The following C3 variants were observed in gnomAD, a reference collection of about 807,000 sequenced individuals.
C3 encodes the protein complement C3.
A neutral mutation model predicts 207.9 loss-of-function variants in C3; 97 were observed. The ratio of observed to expected loss-of-function variants is 0.47; its 90% CI spans 0.40 to 0.55. C3 has a LOEUF of 0.55. C3 is among the 20% of genes least tolerant of loss of function. C3 has a pLI of 0.00. For missense variants in C3, 1,684 were observed against 2,171.7 expected (o/e 0.78, Z 4.46); for synonymous variants, 848 against 857.6 (o/e 0.99, Z 0.20).
Position 6,685,146 on chromosome 19 carries a change from C to T in C3, c.3811G>A (p.Ala1271Thr), listed in dbSNP as rs757158061. 8.7e-6 allele frequency: 14 copies of T among 1,613,386 alleles called. No individual in the cohort carries two copies. Among genetic ancestry groups the T allele is most frequent in the South Asian group, 6.6e-5 (6 of 91,006 alleles). The change falls in exon 30 of 41, where the codon GCC becomes ACC. Residue 1271 changes from alanine to threonine, a missense_variant and splice_region_variant. Ala to Thr is a moderately conservative substitution (Grantham distance 58). Coordinates refer to ENST00000245907, the MANE Select transcript of C3 (RefSeq NM_000064.4). The stretch of plus-strand genomic sequence containing the variant: ...AAGGCTTGGAACACCATGAAGGTGG[C>T]CTAGAACCCACAAGAGAGAAAGATG... ...YYGGGYGSTQ[A>T]TFMVFQALAQ...
intron 35 of C3, among the ~76,000 whole-genome samples, 158 bp downstream of exon 35, chr19:6,681,783 C>T (rs892263277): frequency 1.3e-5 from 2 of 152,122 alleles, no homozygotes; most frequent in Non-Finnish European, 2.9e-5. Flanking sequence ...CCTTATTTTA[C>T]AAGCTCCTTC....
At chr19:6,705,748 C>T (rs555565518) in intron 17 of C3, among the ~76,000 whole-genome samples, 2 of 151,880 alleles carry the variant, frequency 1.3e-5, no homozygotes, top group Non-Finnish European at 2.9e-5. Context: ...AATCTCAGCT[C>T]ACTGCAACCT....
intron 7 of C3, chr19:6,713,757 AGCCCCCACCTGACTCCACCCCCCAG>A: frequency 4.8e-6 from 1 of 207,826 alleles, no homozygotes; most frequent in Non-Finnish European, 8.6e-6. Flanking sequence ...CCCCACTCCC[AGCCCCCACCTGACTCCACCCCCCAG>A]CCCCCCACCT....
At chr19:6,704,541 C>T (rs1031190179) in intron 17 of C3, among the ~76,000 whole-genome samples, 2 of 151,766 alleles carry the variant, frequency 1.3e-5, no homozygotes, top group Non-Finnish European at 2.9e-5. Context: ...GGCAGATCCC[C>T]GAAGGTTGGG....
At chr19:6,689,322 TACCTACCTCCCTCCCTCCCTCC>T (rs1918096119) in intron 27 of C3, among the ~76,000 whole-genome samples, 1 of 65,516 alleles carries the variant, frequency 1.5e-5, no homozygotes, top group African/African-American at 7.6e-5. Context: ...TCTCTCTCTC[TACCTACCTCCCTCCCTCCCTCC>T]CTCCCTCCCT....
chr19:6,684,877 C>T (rs746082352), intron 30 of C3, 43 bp from the exon 31 acceptor site: 4 of 1,610,250 alleles, frequency 2.5e-6, no homozygotes, highest in East Asian at 2.2e-5. Context: ...GGGAATTAAG[C>T]CTTCTGCTGC....
chr19:6,704,217 GTTGAC>G (rs1967727565), intron 17 of C3, among the ~76,000 whole-genome samples: 1 of 152,096 alleles, frequency 6.6e-6, no homozygotes, highest in Non-Finnish European at 1.5e-5. Context: ...AGCCCAAGAG[GTTGAC>G]GCTGCAGTGA....
Position 6,719,580 on chromosome 19 carries a change from A to G in C3, c.75-177T>C, listed in dbSNP as rs1199969944. Among the ~76,000 whole-genome samples the G allele has an allele frequency of 6.6e-6, 1 of 152,046 alleles. No homozygotes were observed. The highest frequency in any genetic ancestry group is 2.4e-5 in the African/African-American group (1 of 41,374). Reference sequence around the variant, plus strand: ...TTCTCTGGGCACTGCCACCGTCTCAACCACATGGGCAGGACAGCAGCCACC... The same window carrying G: ...TTCTCTGGGCACTGCCACCGTCTCAGCCACATGGGCAGGACAGCAGCCACC... On this transcript the variant is annotated intron_variant, in intron 1 of 40. Coordinates refer to ENST00000245907, the MANE Select transcript of C3 (RefSeq NM_000064.4). The surrounding 1 kb of genome is among the most constrained non-coding windows in gnomAD (Gnocchi z 5.4).
rs1599501256 is a variant in C3, at chr19:6,686,589, G to GTTA, written c.3646+154_3646+156dup. 2.8e-5 allele frequency: 24 copies of GTTA among 868,860 alleles called. No homozygotes were observed. In the East Asian group the frequency reaches 5.8e-4, roughly 21 times the overall value. 53.8% of individuals were successfully genotyped at this position (868,860 alleles called of 1,614,324 possible). A position where few individuals can be genotyped will look rare whatever the true frequency, so the allele number is the denominator to read the frequency against. On this transcript the variant is annotated intron_variant, in intron 28 of 40. Transcript: ENST00000245907. Reference sequence around the variant, plus strand: ...GCCGTGCATCCCAGCTCAGCTCAGGGTTATGCATCCCAGCTTGATACCTTA... The same window carrying GTTA: ...GCCGTGCATCCCAGCTCAGCTCAGGGTTATTATGCATCCCAGCTTGATACCTTA...
intron 40 of C3, 23 bp from the exon 41 acceptor site, chr19:6,678,046 A>T: frequency 6.2e-7 from 1 of 1,614,126 alleles, no homozygotes; most frequent in Non-Finnish European, 8.5e-7. Flanking sequence ...ATGGCAGGTC[A>T]GGAAGGGGCG....
Position 6,693,394 on chromosome 19 carries a change from C to G in C3, c.3230+18G>C, listed in dbSNP as rs1368091089. 6.2e-7 allele frequency: 1 copy of G among 1,603,286 alleles called. No homozygotes were observed. Among genetic ancestry groups the G allele is most frequent in the African/African-American group, 1.3e-5 (1 of 74,924 alleles). The stretch of plus-strand genomic sequence containing the variant: ...GGGTGGGGAGTATGCATGGCCTGAG[C>G]TGGCTGTTGGGACTCACCAGGTGCT... On this transcript the variant is annotated intron_variant, in intron 25 of 40. Coordinates refer to ENST00000245907, the MANE Select transcript of C3 (RefSeq NM_000064.4).
Position 6,702,480 on chromosome 19 carries a change from G to A in C3, c.2345C>T (p.Pro782Leu), listed in dbSNP as rs1027985891. 1.4e-5 allele frequency: 22 copies of A among 1,611,418 alleles called. No homozygotes were observed. Among genetic ancestry groups the A allele is most frequent in the Non-Finnish European group, 1.8e-5 (21 of 1,177,602 alleles). ...LWNVEDLKEPPKNGISTKLMN... is the reference protein window; with the variant it reads ...LWNVEDLKEPLKNGISTKLMN... ...GGTACCCCGGCCTTACCCATTTTTC[G>A]GTGGCTCTTTCAAGTCCTCAACGTT... Residue 782 changes from proline to leucine, a missense_variant, in exon 18 of 41, where the codon CCG (proline) becomes CTG (leucine). This residue lies in a region of C3 where 1,280 missense variants were observed against 1,739.1 expected (regional missense o/e 0.74). Coordinates refer to ENST00000245907, the MANE Select transcript of C3 (RefSeq NM_000064.4).
At chr19:6,702,267 G>A in intron 18 of C3, 55 bp from the exon 19 acceptor site, 1 of 1,200,764 alleles carries the variant, frequency 8.3e-7, no homozygotes, top group African/African-American at 1.5e-5. Context: ...GGGTGGTAGA[G>A]GGGAAGAACT....
In C3 at chr19:6,694,436, T is replaced by C. The variant is rs1301684709; in HGVS notation, c.3149A>G (p.Lys1050Arg). The change falls in exon 24 of 41, where the codon AAG (lysine) becomes AGG (arginine). Residue 1050 changes from lysine to arginine, a missense_variant. Coordinates refer to ENST00000245907, the MANE Select transcript of C3 (RefSeq NM_000064.4). ...EKRQGALELIKKGYTQQLAFR... is the reference protein window; with the variant it reads ...EKRQGALELIRKGYTQQLAFR... ...AAGAGGGGCAGGGAGCCCACCCTTCTTGATGAGCTCCAAGGCCCCCTGCCG... is the reference window on the plus strand; with the variant it reads ...AAGAGGGGCAGGGAGCCCACCCTTCCTGATGAGCTCCAAGGCCCCCTGCCG... 1 of 1,613,826 alleles carries C rather than the reference T, an allele frequency of 6.2e-7. No individual in the cohort carries two copies. Among genetic ancestry groups the C allele is most frequent in the African/African-American group, 1.3e-5 (1 of 74,888 alleles).
chr19:6,689,722 C>T (rs1009941539), intron 27 of C3, among the ~76,000 whole-genome samples: 12 of 152,068 alleles, frequency 7.9e-5, no homozygotes, highest in Admixed American at 5.9e-4. Flanking sequence ...TGGCTCATGC[C>T]TGTAATCCCA....
intron 19 of C3, 89 bp downstream of exon 19, chr19:6,702,038 T>C (rs1342259005): frequency 2.5e-6 from 2 of 788,394 alleles, no homozygotes; most frequent in Admixed American, 1.7e-5. Context: ...CCAAGAAACA[T>C]AGGGTTGATT....
chr19:6,715,914 T>A (rs893117739), intron 4 of C3, among the ~76,000 whole-genome samples: 1 of 152,134 alleles, frequency 6.6e-6, no homozygotes, highest in Non-Finnish European at 1.5e-5. Flanking sequence ...AGTGAGCCAC[T>A]GCACCTGGCC....
In C3 at chr19:6,719,138, A is replaced by T; in HGVS notation, c.267+73T>A. ...TTAGAAAGGGAGAAGACAGAAGGGGAGGGGCTCAGGAGGAGGGGGGGAGTG... is the reference window on the plus strand; with the variant it reads ...TTAGAAAGGGAGAAGACAGAAGGGGTGGGGCTCAGGAGGAGGGGGGGAGTG... On this transcript the variant is annotated intron_variant, in intron 2 of 40. Coordinates refer to ENST00000245907, the MANE Select transcript of C3 (RefSeq NM_000064.4). This position sits in a 1 kb window ranked among gnomAD's most constrained non-coding sequence, Gnocchi z 5.4. 3 of 1,178,118 alleles carry T rather than the reference A, an allele frequency of 2.5e-6. No homozygotes were observed. The highest frequency in any genetic ancestry group is 2.5e-5 in the East Asian group (1 of 40,088). 73.0% of individuals were successfully genotyped at this position (1,178,118 alleles called of 1,614,324 possible). A position where few individuals can be genotyped will look rare whatever the true frequency, so the allele number is the denominator to read the frequency against.
intron 11 of C3, among the ~76,000 whole-genome samples, chr19:6,711,755 C>T (rs926744273): frequency 1.3e-5 from 2 of 152,180 alleles, no homozygotes; most frequent in African/African-American, 4.8e-5. Flanking sequence ...GACTTGCTTC[C>T]CTCCCAGTGA....
Sources: gnomAD v4.1 joint callset for allele counts (sites outside exome capture counted in the v4.1 genomes callset) on GRCh38, gnomAD v4.1.1 for gene constraint, gnomAD v4.1.1 regional missense constraint, Gnocchi (gnomAD v3.1) non-coding constraint, MANE v1.5 for transcripts, NCBI Gene and HGNC (gene_info 2026-07-23, HGNC 2026-07-21) for gene names.